FARP1: variants seen among roughly 807,000 people sequenced by gnomAD.
FARP1 encodes FERM, ARH/RhoGEF and pleckstrin domain protein 1, also known as FERM, ARHGEF and pleckstrin domain-containing protein 1.
FARP1 carries 52 observed loss-of-function variants against 128.8 expected under a neutral mutation model. The ratio of observed to expected loss-of-function variants is 0.40; its 90% CI spans 0.32 to 0.51. FARP1 has a LOEUF of 0.51. Ranked by LOEUF, FARP1 falls within the 20% of genes least tolerant of loss-of-function variation. The probability of loss-of-function intolerance (pLI) is 0.45; values close to 1 mark genes in which losing one functional copy is unlikely to be tolerated. For missense variants in FARP1, 1,333 were observed against 1,367.9 expected (o/e 0.97, Z 0.40); for synonymous variants, 580 against 551.8 (o/e 1.05, Z -0.72).
chr13:98,254,764 G>T (rs1157252497), intron 2 of FARP1, among the ~76,000 whole-genome samples: 1 of 152,194 alleles, frequency 6.6e-6, no homozygotes, highest in African/African-American at 2.4e-5. Context: ...TGACTGTCTA[G>T]AGAATGTCCA....
intron 1 of FARP1, chr13:98,175,941 T>G (rs1326740953): frequency 5.3e-6 from 3 of 570,108 alleles, no homozygotes; most frequent in Non-Finnish European, 9.4e-6. Context: ...TATCGCATTT[T>G]GTTTGTCCAT....
At chr13:98,342,898 CCTGTA>C (rs1888028539) in intron 2 of FARP1, among the ~76,000 whole-genome samples, 1 of 151,852 alleles carries the variant, frequency 6.6e-6, no homozygotes, top group Non-Finnish European at 1.5e-5. Flanking sequence ...GTGGTACATG[CCTGTA>C]ATCCCAGCTA....
chr13:98,289,371 A>G (rs138530651), intron 2 of FARP1, among the ~76,000 whole-genome samples: 2 of 152,344 alleles, frequency 1.3e-5, no homozygotes, highest in Non-Finnish European at 2.9e-5. Flanking sequence ...ATTCCCGCTG[A>G]GTGCAAATCT....
Position 98,213,289 on chromosome 13 carries a change from C to T in FARP1, c.47C>T (p.Ala16Val). Residue 16 changes from alanine (A) to valine (V), a missense_variant, in exon 2 of 27, where the codon GCC (alanine) becomes GTC (valine). Ala to Val is a moderately conservative substitution (Grantham distance 64). Coordinates refer to ENST00000319562, the MANE Select transcript of FARP1 (RefSeq NM_005766.4). ...QRPTPGSRLGAPENSGISTLE... is the reference protein window; with the variant it reads ...QRPTPGSRLGVPENSGISTLE... ...CCGACCCCAGGATCACGACTGGGGG[C>T]CCCGGAAAATTCGGGGATCAGTACC... 1 of 1,613,970 alleles carries T rather than the reference C, an allele frequency of 6.2e-7. No individual in the cohort carries two copies. Among genetic ancestry groups the T allele is most frequent in the African/African-American group, 1.3e-5 (1 of 75,000 alleles).
chr13:98,390,145 G>C (rs747107068), intron 10 of FARP1, 25 bp downstream of exon 10: 17 of 1,606,868 alleles, frequency 1.1e-5, no homozygotes, highest in Non-Finnish European at 1.4e-5. Context: ...TTGTGCCTCT[G>C]TTTGCTGGGT....
intron 17 of FARP1, among the ~76,000 whole-genome samples, chr13:98,428,056 G>C (rs3783014): frequency 1.3e-5 from 2 of 150,332 alleles, no homozygotes; most frequent in African/African-American, 4.9e-5. Flanking sequence ...TTCCCGCTTC[G>C]CTCCCACCCC....
intron 3 of FARP1, among the ~76,000 whole-genome samples, chr13:98,348,371 C>T (rs1430575055): frequency 2.6e-5 from 4 of 152,210 alleles, no homozygotes; most frequent in Non-Finnish European, 4.4e-5. Context: ...GGAATCAAGA[C>T]CCCGTGCTTA....
intron 2 of FARP1, chr13:98,234,092 A>T (rs915132879): frequency 1.3e-5 from 2 of 152,258 alleles, no homozygotes; most frequent in African/African-American, 4.8e-5. Context: ...ACTGAGCGTC[A>T]GCATTCTGGC....
chr13:98,326,734 TCA>T (rs1287960718), intron 2 of FARP1, among the ~76,000 whole-genome samples: 1 of 152,230 alleles, frequency 6.6e-6, no homozygotes, highest in African/African-American at 2.4e-5. Context: ...TAAAGTCATC[TCA>T]CGTAGTTGAG....
At chr13:98,224,885 A>G (rs1052945899) in intron 2 of FARP1, among the ~76,000 whole-genome samples, 35 of 152,230 alleles carry the variant, frequency 2.3e-4, no homozygotes, top group Non-Finnish European at 4.9e-4. Flanking sequence ...CTTGGCTTCC[A>G]TTCCTGCATT....
At chr13:98,236,786 G>T (rs1398297390) in intron 2 of FARP1, among the ~76,000 whole-genome samples, 5 of 151,460 alleles carry the variant, frequency 3.3e-5, no homozygotes, top group Non-Finnish European at 4.4e-5. Context: ...TCAGGAGTTT[G>T]AGACCAGCCT....
At chr13:98,254,793 CAT>C (rs760502606) in intron 2 of FARP1, among the ~76,000 whole-genome samples, 1 of 152,130 alleles carries the variant, frequency 6.6e-6, no homozygotes, top group Non-Finnish European at 1.5e-5. Flanking sequence ...TAAATGAAAA[CAT>C]ATGTTAGTAT....
At chr13:98,440,334 C>A in intron 23 of FARP1, 99 bp downstream of exon 23, 1 of 858,074 alleles carries the variant, frequency 1.2e-6, no homozygotes, top group Non-Finnish European at 2.0e-6. Flanking sequence ...GCCTCACATC[C>A]GTGGTGTACA....
intron 1 of FARP1, among the ~76,000 whole-genome samples, chr13:98,167,855 A>G (rs1877380668): frequency 6.6e-6 from 1 of 152,172 alleles, no homozygotes; most frequent in Non-Finnish European, 1.5e-5. Context: ...TACACGAATA[A>G]AGAGCCTTCC....
intron 3 of FARP1, among the ~76,000 whole-genome samples, 191 bp from the exon 4 acceptor site, chr13:98,365,204 A>G (rs1268683508): frequency 6.6e-6 from 1 of 152,236 alleles, no homozygotes; most frequent in Non-Finnish European, 1.5e-5. Flanking sequence ...CAGGGATAAT[A>G]TCAGCAAATT....
intron 2 of FARP1, among the ~76,000 whole-genome samples, chr13:98,252,199 G>A (rs1196399956): frequency 6.6e-6 from 1 of 152,118 alleles, no homozygotes; most frequent in Admixed American, 6.5e-5. Flanking sequence ...TAGCATATTA[G>A]GAGATTAGAG....
chr13:98,368,863 CCAT>C (rs756005898), intron 5 of FARP1, among the ~76,000 whole-genome samples: 14 of 152,004 alleles, frequency 9.2e-5, no homozygotes, highest in Non-Finnish European at 1.6e-4. Flanking sequence ...ATTGTCGTCA[CCAT>C]CATCATCACC....
intron 1 of FARP1, among the ~76,000 whole-genome samples, chr13:98,202,746 G>C (rs1880029552): frequency 6.6e-6 from 1 of 151,760 alleles, no homozygotes; most frequent in Admixed American, 6.6e-5. Flanking sequence ...AAGAGATAGG[G>C]TCTTGCTTTG....
intron 26 of FARP1, chr13:98,447,899 A>AC (rs1892952323): frequency 3.0e-6 from 1 of 335,988 alleles, no homozygotes; most frequent in African/African-American, 2.1e-5. Context: ...GCAGGATGGG[A>AC]CACGTCCCGC....
Sources: allele counts gnomAD v4.1 joint callset (sites outside exome capture counted in the v4.1 genomes callset), GRCh38; gene constraint gnomAD v4.1.1; transcripts MANE v1.5; gene names NCBI Gene and HGNC (gene_info 2026-07-23, HGNC 2026-07-21).